Variants in CCNB1IP1 observed in about 807,000 individuals in gnomAD.
CCNB1IP1 encodes the protein E3 ubiquitin-protein ligase CCNB1IP1.
In CCNB1IP1, 14 loss-of-function variants were observed where a neutral mutation model predicts 25.6. The ratio of observed to expected loss-of-function variants is 0.55; its 90% CI spans 0.36 to 0.85. CCNB1IP1 has a LOEUF of 0.85. CCNB1IP1 is among the 40% of genes least tolerant of loss of function. The probability of loss-of-function intolerance (pLI) is 0.01; values close to 1 mark genes in which losing one functional copy is unlikely to be tolerated. For missense variants in CCNB1IP1, 278 were observed against 342.4 expected (o/e 0.81, Z 1.48); for synonymous variants, 119 against 116.1 (o/e 1.02, Z -0.16).
chr14:20,330,214 G>C (rs1010655564), intron 1 of CCNB1IP1, among the ~76,000 whole-genome samples: 20 of 152,030 alleles, frequency 1.3e-4, no homozygotes, highest in Admixed American at 1.2e-3. Flanking sequence ...ACCAAGTATT[G>C]CATGTTCTCA....
chr14:20,311,927 AC>A (rs1296206645), intron 6 of CCNB1IP1, among the ~76,000 whole-genome samples, 175 bp from the exon 7 acceptor site: 5 of 152,184 alleles, frequency 3.3e-5, no homozygotes, highest in Non-Finnish European at 7.3e-5. Flanking sequence ...TTTTAAAAAA[AC>A]ATTGCAATAA....
chr14:20,325,173 G>A (rs1347979835), intron 4 of CCNB1IP1, among the ~76,000 whole-genome samples: 1 of 150,612 alleles, frequency 6.6e-6, no homozygotes, highest in Non-Finnish European at 1.5e-5. Flanking sequence ...TGTAATCCCA[G>A]CACTTTGGGA....
chr14:20,324,529 T>C (rs958040300), intron 4 of CCNB1IP1, among the ~76,000 whole-genome samples: 2 of 152,108 alleles, frequency 1.3e-5, no homozygotes, highest in Non-Finnish European at 2.9e-5. Flanking sequence ...ATGTCAAAAA[T>C]TGCCAGGTAG....
chr14:20,316,001 C>G (rs574047259), intron 5 of CCNB1IP1, among the ~76,000 whole-genome samples: 1 of 151,972 alleles, frequency 6.6e-6, no homozygotes, highest in Non-Finnish European at 1.5e-5. Context: ...TGTGTATACC[C>G]AAAATATAAA....
In CCNB1IP1 at chr14:20,316,598, T is replaced by A. The variant is rs775603428; in HGVS notation, c.-37-38A>T. On this transcript the variant is annotated intron_variant, in intron 4 of 6. Coordinates refer to ENST00000358932, the MANE Select transcript of CCNB1IP1 (RefSeq NM_021178.5). ...AAATAAAAAGGCCAAGTAAGTTAAA[T>A]TGCAATGAAAATAAAAGTAAAAAAG... 13 of 1,206,536 alleles carry A rather than the reference T, an allele frequency of 1.1e-5. No individual in the cohort carries two copies. The African/African-American group carries it at 1.4e-4, about 13-fold the overall frequency. 74.7% of individuals were successfully genotyped at this position (1,206,536 alleles called of 1,614,324 possible).
chr14:20,332,666 A>G (rs925281322), intron 1 of CCNB1IP1, among the ~76,000 whole-genome samples: 2 of 152,156 alleles, frequency 1.3e-5, no homozygotes, highest in East Asian at 1.9e-4. Context: ...TAAGGACACA[A>G]TCACCACAGT....
chr14:20,321,442 A>G (rs1217934372), intron 4 of CCNB1IP1, among the ~76,000 whole-genome samples: 1 of 144,950 alleles, frequency 6.9e-6, no homozygotes, highest in East Asian at 2.0e-4. Flanking sequence ...TTATCGATGA[A>G]GCAATTTCAA....
Position 20,311,634 on chromosome 14 carries a change from G to A in CCNB1IP1, c.750C>T (p.Asn250=). The change falls in exon 7 of 7, where the codon AAC becomes AAT. Residue 250 remains asparagine, a synonymous_variant. Transcript: ENST00000358932. ...AGSPTAPEPS[N]SFFSFVSPSR... ...TTGGAGAGACAAAACTAAAAAAGCT[G>A]TTGCTGGGTTCAGGTGCTGTGGGAG... is the stretch of plus-strand genomic sequence containing the variant. The A allele has an allele frequency of 6.2e-7, 1 of 1,614,146 alleles. No individual in the cohort carries two copies. Among genetic ancestry groups the A allele is most frequent in the Non-Finnish European group, 8.5e-7 (1 of 1,180,026 alleles).
intron 5 of CCNB1IP1, among the ~76,000 whole-genome samples, chr14:20,315,005 G>C: frequency 6.7e-6 from 1 of 148,830 alleles, no homozygotes. Context: ...GCAGGAGAAT[G>C]GCGTGAACCC....
chr14:20,323,464 T>G (rs774851048), intron 4 of CCNB1IP1: 6 of 151,838 alleles, frequency 4.0e-5, no homozygotes, highest in Non-Finnish European at 7.4e-5. Flanking sequence ...TGGTCCCAGC[T>G]ACTTGGGAGC....
chr14:20,327,327 C>T (rs1212585130), intron 2 of CCNB1IP1, among the ~76,000 whole-genome samples: 1 of 152,006 alleles, frequency 6.6e-6, no homozygotes, highest in East Asian at 1.9e-4. Flanking sequence ...AAGCATGTTT[C>T]AATTTCATTT....
intron 6 of CCNB1IP1, among the ~76,000 whole-genome samples, chr14:20,312,598 AAG>A (rs1355535929): frequency 6.6e-6 from 1 of 152,092 alleles, no homozygotes; most frequent in Non-Finnish European, 1.5e-5. Flanking sequence ...AGTCCAGCAC[AAG>A]AGGCTTCACT....
chr14:20,331,951 G>C (rs910227542), intron 1 of CCNB1IP1, among the ~76,000 whole-genome samples: 39 of 119,852 alleles, frequency 3.3e-4, no homozygotes, highest in African/African-American at 1.2e-3. Flanking sequence ...TTTGAATTTT[G>C]AACCATGTGA....
intron 4 of CCNB1IP1, among the ~76,000 whole-genome samples, chr14:20,320,555 G>A (rs1390614858): frequency 1.3e-5 from 2 of 152,126 alleles, no homozygotes; most frequent in African/African-American, 2.4e-5. Context: ...TTATATTCCA[G>A]CTCTTTGGGA....
At chr14:20,315,421 A>C in intron 5 of CCNB1IP1, 1 of 951,672 alleles carries the variant, frequency 1.1e-6, no homozygotes, top group South Asian at 2.9e-5. Flanking sequence ...GCCAGCAAAA[A>C]CACTATTTGG....
chr14:20,311,818 G>C (rs888707870), intron 6 of CCNB1IP1, 66 bp from the exon 7 acceptor site: 6 of 998,270 alleles, frequency 6.0e-6, no homozygotes, highest in Non-Finnish European at 9.1e-6. Context: ...TACTTCAGAG[G>C]AATCATCAAA....
intron 4 of CCNB1IP1, among the ~76,000 whole-genome samples, chr14:20,325,077 TGCTAGGATTACAGGTGTGAGCCACCAC>T (rs1883026352): frequency 1.3e-5 from 2 of 151,012 alleles, no homozygotes; most frequent in African/African-American, 4.9e-5. Context: ...CCTCCCAAAG[TGCTAGGATTACAGGTGTGAGCCACCAC>T]GCCTGGCCTC....
chr14:20,332,527 C>T (rs2138883750), intron 1 of CCNB1IP1, among the ~76,000 whole-genome samples: 1 of 152,252 alleles, frequency 6.6e-6, no homozygotes, highest in African/African-American at 2.4e-5. Context: ...TTTATCTGAT[C>T]TTGGAAAGCT....
Position 20,313,567 on chromosome 14 carries a change from A to G in CCNB1IP1, c.532T>C (p.Tyr178His). 1 of 1,614,210 alleles carries G rather than the reference A, an allele frequency of 6.2e-7. No individual in the cohort carries two copies. Among genetic ancestry groups the G allele is most frequent in the South Asian group, 1.1e-5 (1 of 91,086 alleles). The change falls in exon 6 of 7, where the codon TAT (tyrosine) becomes CAT (histidine). Residue 178 changes from tyrosine to histidine, a missense_variant. Coordinates refer to ENST00000358932, the MANE Select transcript of CCNB1IP1 (RefSeq NM_021178.5). ...NRQYQKLQGL[Y>H]DSLRLRNITI... ...ATGTTTCGTAGCCTAAGGCTATCATAGAGGCCTTGGAGCTTTTGATACTGA... is the reference window on the plus strand; with the variant it reads ...ATGTTTCGTAGCCTAAGGCTATCATGGAGGCCTTGGAGCTTTTGATACTGA...
Sources: gnomAD v4.1 joint callset for allele counts (sites outside exome capture counted in the v4.1 genomes callset) on GRCh38, gnomAD v4.1.1 for gene constraint, MANE v1.5 for transcripts, NCBI Gene and HGNC (gene_info 2026-07-23, HGNC 2026-07-21) for gene names.